Variants in IMPACT observed in about 807,000 individuals in gnomAD.
The protein encoded by IMPACT is protein IMPACT.
IMPACT carries 35 observed loss-of-function variants against 47.5 expected under a neutral mutation model. The ratio of observed to expected loss-of-function variants is 0.74; its 90% CI spans 0.56 to 0.98. The LOEUF is 0.98. IMPACT is among the 50% of genes least tolerant of loss of function. The probability of loss-of-function intolerance (pLI) is 0.00; values close to 1 mark genes in which losing one functional copy is unlikely to be tolerated. For synonymous variants in IMPACT, 118 were observed against 125.6 expected (o/e 0.94, Z 0.40); for missense variants, 373 against 394.8 (o/e 0.94, Z 0.47).
intron 5 of IMPACT, among the ~76,000 whole-genome samples, chr18:24,439,160 A>G (rs1427791524): frequency 1.3e-5 from 2 of 152,186 alleles, no homozygotes; most frequent in African/African-American, 4.8e-5. Flanking sequence ...GCTTTACTCA[A>G]ATTCAACTGA....
In IMPACT at chr18:24,443,154, TA is replaced by T; in HGVS notation, c.594+5del. On this transcript the variant is annotated splice_donor_region_variant and intron_variant, in intron 7 of 10. Coordinates refer to ENST00000284202, the MANE Select transcript of IMPACT (RefSeq NM_018439.4). ...GCTCCAGTGGTTTGTCCCAAACAGG[TA>T]AAGTTCCTTTGTCTAGCTCACTTTG... The T allele has an allele frequency of 6.7e-7, 1 of 1,502,334 alleles. No individual in the cohort carries two copies. Among genetic ancestry groups the T allele is most frequent in the Non-Finnish European group, 9.2e-7 (1 of 1,087,350 alleles). The allele number at this position is 1,502,334 out of a possible 1,614,324, so 93.1% of individuals were successfully genotyped here.
chr18:24,440,403 G>A (rs1027450801), intron 5 of IMPACT, 93 bp from the exon 6 acceptor site: 1 of 1,307,566 alleles, frequency 7.6e-7, no homozygotes, highest in South Asian at 1.3e-5. Context: ...TCGTTGAAGA[G>A]TGGTATTTAG....
intron 8 of IMPACT, among the ~76,000 whole-genome samples, chr18:24,446,394 A>G (rs1201404253): frequency 6.6e-6 from 1 of 152,166 alleles, no homozygotes; most frequent in Non-Finnish European, 1.5e-5. Context: ...GTAAGCAGTG[A>G]ATTAAGAGTA....
chr18:24,430,038 A>G (rs1333705859), intron 3 of IMPACT, among the ~76,000 whole-genome samples: 1 of 152,086 alleles, frequency 6.6e-6, no homozygotes, highest in Non-Finnish European at 1.5e-5. Flanking sequence ...CGGCCTCCCA[A>G]AGTGCTGGGA....
Position 24,449,819 on chromosome 18 carries a change from A to T in IMPACT, c.760A>T (p.Ile254Phe). Residue 254 changes from isoleucine (I) to phenylalanine (F), a missense_variant and splice_region_variant, in exon 10 of 11, where the codon ATT becomes TTT. Physicochemically the swap from Ile to Phe is conservative, Grantham distance 21 (BLOSUM62 0). Transcript: ENST00000284202. ...TAATTATGCTTCCAAAAAATAACAG[A>T]TTTTGAATGTGAAGAATGTCATGGT... ...AGGRLLHLME[I>F]LNVKNVMVVV... 1 of 1,611,494 alleles carries T rather than the reference A, an allele frequency of 6.2e-7. No homozygotes were observed. Among genetic ancestry groups the T allele is most frequent in the African/African-American group, 1.3e-5 (1 of 74,964 alleles).
In IMPACT at chr18:24,438,025, C is replaced by T. The variant is rs745825031; in HGVS notation, c.352C>T (p.Gln118Ter). 7.9e-6 allele frequency: 12 copies of T among 1,527,498 alleles called. No individual in the cohort carries two copies. The highest frequency in any genetic ancestry group is 9.9e-6 in the Non-Finnish European group (11 of 1,110,442). 94.6% of individuals were successfully genotyped at this position (1,527,498 alleles called of 1,614,324 possible). A position where few individuals can be genotyped will look rare whatever the true frequency, so the allele number is the denominator to read the frequency against. The change falls in exon 5 of 11, where the codon CAG (glutamine) becomes TAG (stop). Residue 118 changes from glutamine (Q) to a stop codon, truncating the protein, a stop_gained. Coordinates refer to ENST00000284202, the MANE Select transcript of IMPACT (RefSeq NM_018439.4). LOFTEE classifies it high-confidence loss of function. ...AAGAGATGTTCTTATACAAAAATCTCAGATGACAGAACCAGGTAGGATTGA... is the reference window on the plus strand; with the variant it reads ...AAGAGATGTTCTTATACAAAAATCTTAGATGACAGAACCAGGTAGGATTGA... ...KIRDVLIQKS[Q>*]MTEPGPDVKK...
intron 10 of IMPACT, among the ~76,000 whole-genome samples, 153 bp downstream of exon 10, chr18:24,450,106 T>TG (rs1299542390): frequency 6.6e-6 from 1 of 152,232 alleles, no homozygotes; most frequent in Non-Finnish European, 1.5e-5. Context: ...CTAAACAGTG[T>TG]GTCTGGCCAG....
At chr18:24,428,826 C>T (rs371143788) in intron 2 of IMPACT, 43 bp from the exon 3 acceptor site, 1 of 1,499,648 alleles carries the variant, frequency 6.7e-7, no homozygotes, top group Non-Finnish European at 9.2e-7. Context: ...TACTTTTGAA[C>T]CTTGATGAAG....
At position 24,452,992 on chromosome 18, in the gene IMPACT, G is replaced by A. The variant is rs746942562; in HGVS notation, c.*2145G>A. 5 of 151,992 alleles carry A rather than the reference G, an allele frequency of 3.3e-5. No individual in the cohort carries two copies. Among genetic ancestry groups the A allele is most frequent in the East Asian group, 1.9e-4 (1 of 5,186 alleles). 9.4% of individuals were successfully genotyped at this position (151,992 alleles called of 1,614,324 possible). A position where few individuals can be genotyped will look rare whatever the true frequency, so the allele number is the denominator to read the frequency against. On this transcript the variant is annotated 3_prime_UTR_variant, in exon 11 of 11. Transcript: ENST00000284202. ...GGGTCTTTCTATGTTGCCCAGGCTC[G>A]TCTTGAGCTCCTGGCCTCAATCGAT...
intron 10 of IMPACT, 32 bp from the exon 11 acceptor site, chr18:24,450,747 A>T (rs758372240): frequency 1.1e-5 from 16 of 1,413,240 alleles, no homozygotes; most frequent in Middle Eastern, 3.7e-4. Context: ...ATGTAAATGG[A>T]GAGATGCTGC....
rs188423258 is a variant in IMPACT, at chr18:24,437,904, G to C, written c.282-51G>C. Reference sequence around the variant, plus strand: ...AATGTCTGTATCTTCTTGAATTTGAGAAGATGATTTTTGAAATAACAATTT... The same window carrying C: ...AATGTCTGTATCTTCTTGAATTTGACAAGATGATTTTTGAAATAACAATTT... On this transcript the variant is annotated intron_variant, in intron 4 of 10. Transcript: ENST00000284202. The C allele has an allele frequency of 1.3e-4, 106 of 841,552 alleles. No homozygotes were observed. In the Admixed American group the frequency reaches 2.2e-3, roughly 17 times the overall value. 52.1% of individuals were successfully genotyped at this position (841,552 alleles called of 1,614,324 possible). A position where few individuals can be genotyped will look rare whatever the true frequency, so the allele number is the denominator to read the frequency against.
chr18:24,431,668 G>A (rs1226303052), intron 4 of IMPACT, among the ~76,000 whole-genome samples: 2 of 151,438 alleles, frequency 1.3e-5, no homozygotes, highest in Admixed American at 6.6e-5. Context: ...ACGTGCCACC[G>A]TGCCCAGCTA....
intron 4 of IMPACT, among the ~76,000 whole-genome samples, chr18:24,434,776 A>AAATATATATAT (rs1164402384): frequency 1.8e-5 from 2 of 114,026 alleles, no homozygotes; most frequent in East Asian, 2.4e-4. Flanking sequence ...AAAAAAAAAA[A>AAATATATATAT]ATATATATAT....
intron 6 of IMPACT, among the ~76,000 whole-genome samples, chr18:24,441,139 G>A (rs757243085): frequency 6.6e-6 from 1 of 152,124 alleles, no homozygotes; most frequent in East Asian, 1.9e-4. Context: ...CTCAGCCTCC[G>A]AGTAGCTGGG....
chr18:24,440,397 T>G, intron 5 of IMPACT, 99 bp from the exon 6 acceptor site: 1 of 1,268,862 alleles, frequency 7.9e-7, no homozygotes, highest in Non-Finnish European at 1.1e-6. Flanking sequence ...TTCCTTTCGT[T>G]GAAGAGTGGT....
At chr18:24,449,681 C>A in intron 9 of IMPACT, 138 bp from the exon 10 acceptor site, 2 of 673,416 alleles carry the variant, frequency 3.0e-6, no homozygotes, top group Non-Finnish European at 2.6e-6. Context: ...TGCCTACTCA[C>A]TCATATGGCT....
At chr18:24,441,128 C>T (rs1342029235) in intron 6 of IMPACT, among the ~76,000 whole-genome samples, 1 of 152,232 alleles carries the variant, frequency 6.6e-6, no homozygotes, top group African/African-American at 2.4e-5. Context: ...GATCCTTCTA[C>T]CTCAGCCTCC....
At chr18:24,435,418 T>A (rs964448530) in intron 4 of IMPACT, 2 of 152,362 alleles carry the variant, frequency 1.3e-5, no homozygotes, top group South Asian at 4.1e-4. Context: ...TTTATAGTAT[T>A]TGACTTTGTG....
At chr18:24,449,577 G>GACA (rs1415154499) in intron 9 of IMPACT, among the ~76,000 whole-genome samples, 2 of 152,044 alleles carry the variant, frequency 1.3e-5, no homozygotes, top group African/African-American at 4.8e-5. Flanking sequence ...CCCAAATCTG[G>GACA]GAGTTTGAGG....
Sources: gnomAD v4.1 joint callset for allele counts (sites outside exome capture counted in the v4.1 genomes callset) on GRCh38, gnomAD v4.1.1 for gene constraint, MANE v1.5 for transcripts, NCBI Gene and HGNC (gene_info 2026-07-23, HGNC 2026-07-21) for gene names.